SH3PXD2A: variants seen among roughly 807,000 people sequenced by gnomAD.
The protein encoded by SH3PXD2A is SH3 and PX domain-containing protein 2A.
SH3PXD2A carries 32 observed loss-of-function variants against 115.2 expected under a neutral mutation model. The ratio of observed to expected loss-of-function variants is 0.28; its 90% CI spans 0.21 to 0.37. The LOEUF (loss-of-function observed/expected upper bound fraction) is 0.37. SH3PXD2A is among the 10% of genes least tolerant of loss of function. The probability of loss-of-function intolerance (pLI) is 1.00; values close to 1 mark genes in which losing one functional copy is unlikely to be tolerated. For synonymous variants in SH3PXD2A, 610 were observed against 629.1 expected (o/e 0.97, Z 0.45); for missense variants, 1,328 against 1,498.7 (o/e 0.89, Z 1.88).
chr10:103,674,039 C>G, intron 6 of SH3PXD2A, among the ~76,000 whole-genome samples: 1 of 152,318 alleles, frequency 6.6e-6, no homozygotes, highest in African/African-American at 2.4e-5. Context: ...ACTGTTCTTA[C>G]CTCATTGCAG....
chr10:103,672,239 C>T (rs966060165), intron 6 of SH3PXD2A, among the ~76,000 whole-genome samples: 12 of 152,156 alleles, frequency 7.9e-5, no homozygotes, highest in Non-Finnish European at 1.6e-4. Context: ...GAACCAAGAT[C>T]GTGCCACTGC....
rs766899736 is a variant in SH3PXD2A, at chr10:103,661,063, G to A, written c.524C>T (p.Ser175Phe). The change falls in exon 8 of 15, where the codon TCC becomes TTC. Residue 175 changes from serine to phenylalanine, a missense_variant. Ser to Phe is a radical substitution (Grantham distance 155, BLOSUM62 -2). Around this residue, in one of 5 missense-constraint regions of SH3PXD2A, gnomAD observed 90 missense variants for 71.1 expected, o/e 1.27. Transcript: ENST00000369774. ...CGAGTTCTCCTGCTTCTTATAGTTG[G>A]ACACCACCACGTACTGTTCCAGGAT... ...PMILEQYVVV[S>F]NYKKQENSEL... The A allele has an allele frequency of 2.5e-6, 4 of 1,614,012 alleles. No individual in the cohort carries two copies. The South Asian group carries it at 4.4e-5, about 18-fold the overall frequency.
chr10:103,649,571 C>T (rs1270247543), intron 8 of SH3PXD2A, among the ~76,000 whole-genome samples: 7 of 152,204 alleles, frequency 4.6e-5, no homozygotes, highest in Non-Finnish European at 8.8e-5. Context: ...CCAAACCAGG[C>T]ATGGGAGACT....
chr10:103,711,821 G>A (rs2038050036), intron 5 of SH3PXD2A, among the ~76,000 whole-genome samples: 1 of 152,172 alleles, frequency 6.6e-6, no homozygotes, highest in South Asian at 2.1e-4. Flanking sequence ...TTGGGAAGCC[G>A]AGGCGGGAGG....
intron 8 of SH3PXD2A, among the ~76,000 whole-genome samples, chr10:103,628,323 G>A (rs1592270943): frequency 6.6e-6 from 1 of 152,212 alleles, no homozygotes; most frequent in African/African-American, 2.4e-5. Context: ...ACAGCCAGCA[G>A]TCTAGTCCTG....
intron 11 of SH3PXD2A, among the ~76,000 whole-genome samples, chr10:103,615,440 C>T (rs994240866): frequency 3.9e-4 from 59 of 150,200 alleles, no homozygotes; most frequent in African/African-American, 1.4e-3. Context: ...TGAAATGACT[C>T]CAGCGGGAAG....
chr10:103,672,821 T>C (rs1053069435), intron 6 of SH3PXD2A, among the ~76,000 whole-genome samples: 1 of 152,186 alleles, frequency 6.6e-6, no homozygotes, highest in East Asian at 1.9e-4. Flanking sequence ...GCAAAAGCAG[T>C]AGGTTCCTGG....
At chr10:103,663,846 C>T (rs1227578799) in intron 7 of SH3PXD2A, among the ~76,000 whole-genome samples, 2 of 152,266 alleles carry the variant, frequency 1.3e-5, no homozygotes, top group Non-Finnish European at 2.9e-5. Flanking sequence ...CCCATCTCAG[C>T]CCTTTGGAGA....
intron 6 of SH3PXD2A, among the ~76,000 whole-genome samples, chr10:103,692,730 C>T (rs1404392689): frequency 2.0e-5 from 3 of 152,162 alleles, no homozygotes; most frequent in African/African-American, 7.2e-5. Flanking sequence ...AGCCCCTTCA[C>T]GAGCCACCCA....
intron 5 of SH3PXD2A, among the ~76,000 whole-genome samples, chr10:103,716,051 C>A (rs1332705741): frequency 6.6e-6 from 1 of 152,218 alleles, no homozygotes; most frequent in Non-Finnish European, 1.5e-5. Flanking sequence ...GAAAGTCATG[C>A]AGAGGAGAGT....
chr10:103,639,575 A>T (rs1233078700), intron 8 of SH3PXD2A, among the ~76,000 whole-genome samples: 1 of 147,132 alleles, frequency 6.8e-6, no homozygotes, highest in Non-Finnish European at 1.5e-5. Flanking sequence ...GTGCCACTGC[A>T]CTCCAGCCTG....
intron 1 of SH3PXD2A, among the ~76,000 whole-genome samples, chr10:103,828,479 G>A (rs770527611): frequency 6.6e-6 from 1 of 152,194 alleles, no homozygotes; most frequent in East Asian, 1.9e-4. Flanking sequence ...ATTAAAACAA[G>A]TTGACTCCTG....
chr10:103,601,761 C>A lies in SH3PXD2A; in HGVS notation c.*55G>T. The stretch of plus-strand genomic sequence containing the variant: ...TTTCCCTTTTGTTCGTCTCACCGCT[C>A]ATCCAGTGGGCGGCCAGAGAGGCAC... On this transcript the variant is annotated 3_prime_UTR_variant, in exon 15 of 15. Coordinates refer to ENST00000369774, the MANE Select transcript of SH3PXD2A (RefSeq NM_001394015.1). 1.2e-6 allele frequency: 1 copy of A among 844,858 alleles called. No homozygotes were observed. The highest frequency in any genetic ancestry group is 2.9e-5 in the South Asian group (1 of 34,878). The allele number at this position is 844,858 out of a possible 1,614,324, so 52.3% of individuals were successfully genotyped here. A position where few individuals can be genotyped will look rare whatever the true frequency, so the allele number is the denominator to read the frequency against.
chr10:103,613,507 G>T (rs1056069642), intron 11 of SH3PXD2A, among the ~76,000 whole-genome samples: 6 of 152,244 alleles, frequency 3.9e-5, no homozygotes, highest in Non-Finnish European at 7.3e-5. Flanking sequence ...GTTGCCCAAA[G>T]GAGGACTTCA....
chr10:103,840,258 G>A lies in SH3PXD2A; in HGVS notation c.72+14937C>T, dbSNP rs114247417. Among the ~76,000 whole-genome samples the A allele has an allele frequency of 5.9e-3, 898 of 152,230 alleles. 14 individuals carry two copies. The highest frequency in any genetic ancestry group is 0.021 in the African/African-American group (856 of 41,520). On this transcript the variant is annotated intron_variant, in intron 1 of 14. Transcript: ENST00000369774. Reference sequence around the variant, plus strand: ...GGGTTTCACTGAGTGGAATGGTCTAGGTGTCAAAAACATCTTGCCAGACAC... The same window carrying A: ...GGGTTTCACTGAGTGGAATGGTCTAAGTGTCAAAAACATCTTGCCAGACAC...
chr10:103,817,293 TC>T (rs892111708), intron 1 of SH3PXD2A, among the ~76,000 whole-genome samples: 1 of 152,040 alleles, frequency 6.6e-6, no homozygotes, highest in Non-Finnish European at 1.5e-5. Context: ...TCTTTTCTGC[TC>T]CTCTCCCTCC....
intron 2 of SH3PXD2A, among the ~76,000 whole-genome samples, chr10:103,792,884 C>T (rs913386405): frequency 2.2e-4 from 34 of 152,118 alleles, no homozygotes; most frequent in African/African-American, 8.2e-4. Context: ...GGGATCTAAC[C>T]AGTTTACATT....
intron 1 of SH3PXD2A, among the ~76,000 whole-genome samples, chr10:103,819,720 T>A (rs1158821753): frequency 6.6e-6 from 1 of 151,166 alleles, no homozygotes. Flanking sequence ...TAGATGAGCA[T>A]GTGAGGGAGC....
intron 1 of SH3PXD2A, among the ~76,000 whole-genome samples, chr10:103,826,883 G>C (rs183939740): frequency 9.2e-4 from 140 of 152,328 alleles, no homozygotes; most frequent in Non-Finnish European, 1.5e-3. Context: ...GGTTGGCAAA[G>C]GGTAGCATGG....
Sources: gnomAD v4.1 joint callset for allele counts (sites outside exome capture counted in the v4.1 genomes callset) on GRCh38, gnomAD v4.1.1 for gene constraint, gnomAD v4.1.1 regional missense constraint, MANE v1.5 for transcripts, NCBI Gene and HGNC (gene_info 2026-07-23, HGNC 2026-07-21) for gene names.